Variants in ARID3B observed in about 807,000 individuals in gnomAD.
ARID3B encodes AT-rich interaction domain 3B.
A neutral mutation model predicts 51.9 loss-of-function variants in ARID3B; 10 were observed. That is an observed-to-expected ratio of 0.19 (90% confidence interval 0.12 to 0.33). The LOEUF is 0.33. Among genes scored for constraint, ARID3B ranks in the 10% least tolerant of loss-of-function variants. The pLI is 1.00. For missense variants in ARID3B, 483 were observed against 716.3 expected (o/e 0.67, Z 3.72); for synonymous variants, 205 against 279.5 (o/e 0.73, Z 2.66).
intron 2 of ARID3B, among the ~76,000 whole-genome samples, chr15:74,571,741 C>G (rs1170965290): frequency 6.6e-6 from 1 of 152,140 alleles, no homozygotes; most frequent in Non-Finnish European, 1.5e-5. Context: ...TAGAAGTGAA[C>G]AGAGATTGCT....
At chr15:74,550,938 A>G (rs768576339) in intron 2 of ARID3B, among the ~76,000 whole-genome samples, 21 of 152,158 alleles carry the variant, frequency 1.4e-4, no homozygotes, top group Non-Finnish European at 2.5e-4. Context: ...ATCAACACCT[A>G]AGTCCTTTTT....
chr15:74,571,501 G>T (rs1048675339), intron 2 of ARID3B, among the ~76,000 whole-genome samples: 1 of 152,146 alleles, frequency 6.6e-6, no homozygotes, highest in Non-Finnish European at 1.5e-5. Context: ...CCAGTGGGTC[G>T]GGGTGAACAA....
intron 2 of ARID3B, among the ~76,000 whole-genome samples, chr15:74,554,070 G>A (rs1347345766): frequency 1.3e-5 from 2 of 152,070 alleles, no homozygotes; most frequent in South Asian, 2.1e-4. Context: ...GCAGTGGCAC[G>A]ATCTTGGCTC....
intron 2 of ARID3B, among the ~76,000 whole-genome samples, chr15:74,562,645 C>T (rs2061683228): frequency 6.6e-6 from 1 of 152,212 alleles, no homozygotes; most frequent in South Asian, 2.1e-4. Context: ...AGCCACCTCA[C>T]CTGGTCCCCA....
At position 74,591,387 on chromosome 15, in the gene ARID3B, C is replaced by A. The variant is rs1332465967; in HGVS notation, c.1118C>A (p.Thr373Asn). 6.2e-7 allele frequency: 1 copy of A among 1,612,902 alleles called. No individual in the cohort carries two copies. Among genetic ancestry groups the A allele is most frequent in the South Asian group, 1.1e-5 (1 of 91,076 alleles). The change falls in exon 6 of 9, where the codon ACC becomes AAC. Residue 373 changes from threonine (T) to asparagine (N), a missense_variant. Physicochemically the swap from Thr to Asn is moderately conservative, Grantham distance 65. Coordinates refer to ENST00000346246, the MANE Select transcript of ARID3B (RefSeq NM_006465.4). This position sits in a 1 kb window ranked among gnomAD's most constrained non-coding sequence, Gnocchi z 5.8. Reference sequence around the variant, plus strand: ...CTTGGGCTTGGCTCCAGCAGTGGTACCAATACCAGTAGCCCTCGGATATCC... The same window carrying A: ...CTTGGGCTTGGCTCCAGCAGTGGTAACAATACCAGTAGCCCTCGGATATCC... Reference protein sequence around the residue: ...PILGLGSSSGTNTSSPRISPA... With the variant: ...PILGLGSSSGNNTSSPRISPA...
intron 4 of ARID3B, among the ~76,000 whole-genome samples, chr15:74,586,687 A>G (rs1464019192): frequency 1.3e-5 from 2 of 152,260 alleles, no homozygotes; most frequent in Non-Finnish European, 2.9e-5. Context: ...TGGGCAACAT[A>G]GTGAGACCTC....
rs1270933564 is a variant in ARID3B at position 74,598,114 on chromosome 15, C to A, written c.*2340C>A. On this transcript the variant is annotated 3_prime_UTR_variant, in exon 9 of 9. Coordinates refer to ENST00000346246, the MANE Select transcript of ARID3B (RefSeq NM_006465.4). ...CTCGAATGTTTATATTTCAATAAACCTCTACCTCTTCACACAAGCAGGTCT... is the reference window on the plus strand; with the variant it reads ...CTCGAATGTTTATATTTCAATAAACATCTACCTCTTCACACAAGCAGGTCT... 8.4e-6 allele frequency: 4 copies of A among 479,014 alleles called. No individual in the cohort carries two copies. The highest frequency in any genetic ancestry group is 4.7e-5 in the Admixed American group (2 of 42,110). 29.7% of individuals were successfully genotyped at this position (479,014 alleles called of 1,614,324 possible). A position where few individuals can be genotyped will look rare whatever the true frequency, so the allele number is the denominator to read the frequency against.
At chr15:74,569,242 A>G (rs568484532) in intron 2 of ARID3B, among the ~76,000 whole-genome samples, 4 of 152,212 alleles carry the variant, frequency 2.6e-5, no homozygotes, top group East Asian at 1.9e-4. Flanking sequence ...AACCCACCCA[A>G]TGAAAGGGGG....
At chr15:74,585,959 C>T (rs2061780161) in intron 4 of ARID3B, among the ~76,000 whole-genome samples, 1 of 152,256 alleles carries the variant, frequency 6.6e-6, no homozygotes, top group Non-Finnish European at 1.5e-5. Context: ...CGCTCTGTTT[C>T]TGATGGCACC....
At chr15:74,549,194 C>T (rs1403784704) in intron 2 of ARID3B, among the ~76,000 whole-genome samples, 2 of 152,028 alleles carry the variant, frequency 1.3e-5, no homozygotes, top group African/African-American at 4.8e-5. Flanking sequence ...CCTGCCTCAG[C>T]CTCCTGAGTA....
At chr15:74,587,206 C>T (rs1431595234) in intron 4 of ARID3B, among the ~76,000 whole-genome samples, 6 of 152,206 alleles carry the variant, frequency 3.9e-5, no homozygotes, top group Non-Finnish European at 8.8e-5. Flanking sequence ...AGATTGGCTG[C>T]AGTGTTCAAG....
intron 2 of ARID3B, among the ~76,000 whole-genome samples, chr15:74,569,716 A>G (rs981675155): frequency 6.6e-6 from 1 of 152,218 alleles, no homozygotes; most frequent in Non-Finnish European, 1.5e-5. Context: ...TAGAGCCCAG[A>G]GGAGAAAGGT....
intron 1 of ARID3B, among the ~76,000 whole-genome samples, chr15:74,543,067 C>T (rs146930762): frequency 6.6e-6 from 1 of 152,316 alleles, no homozygotes; most frequent in East Asian, 1.9e-4. Context: ...ACTTGTTGTT[C>T]AGACAATGTT....
chr15:74,580,220 A>G (rs1465982761), intron 4 of ARID3B, among the ~76,000 whole-genome samples: 1 of 152,198 alleles, frequency 6.6e-6, no homozygotes, highest in Admixed American at 6.5e-5. Context: ...TCTTTGGCAA[A>G]CATAAAGCCA....
intron 2 of ARID3B, among the ~76,000 whole-genome samples, chr15:74,552,844 G>C (rs1295416126): frequency 6.6e-6 from 1 of 152,140 alleles, no homozygotes; most frequent in African/African-American, 2.4e-5. Flanking sequence ...CCTGAAGGAC[G>C]TCTTGGTTGC....
intron 2 of ARID3B, among the ~76,000 whole-genome samples, chr15:74,557,682 A>G (rs1233996409): frequency 1.3e-5 from 2 of 152,026 alleles, no homozygotes; most frequent in Non-Finnish European, 2.9e-5. Context: ...TTGCAAGGTT[A>G]TTATTGGCCT....
chr15:74,583,360 A>G (rs2061768678), intron 4 of ARID3B, among the ~76,000 whole-genome samples: 1 of 152,174 alleles, frequency 6.6e-6, no homozygotes. Context: ...CAGAGTGGGT[A>G]GGGTGGAGGG....
chr15:74,551,646 A>C (rs141758015), intron 2 of ARID3B, among the ~76,000 whole-genome samples: 179 of 152,260 alleles, frequency 1.2e-3, no homozygotes, highest in African/African-American at 4.2e-3. Context: ...AAAACAAGCA[A>C]ACAACAACAA....
chr15:74,583,896 A>G (rs1024705240), intron 4 of ARID3B, among the ~76,000 whole-genome samples: 14 of 152,310 alleles, frequency 9.2e-5, no homozygotes, highest in East Asian at 3.9e-4. Context: ...CTATACTAGC[A>G]TATTGGCACA....
Sources: gnomAD v4.1 joint callset for allele counts (sites outside exome capture counted in the v4.1 genomes callset) on GRCh38, gnomAD v4.1.1 for gene constraint, Gnocchi (gnomAD v3.1) non-coding constraint, MANE v1.5 for transcripts, NCBI Gene and HGNC (gene_info 2026-07-23, HGNC 2026-07-21) for gene names.